Variants in ASXL3 observed in about 807,000 individuals in gnomAD.
The protein encoded by ASXL3 is putative Polycomb group protein ASXL3.
ASXL3 carries 34 observed loss-of-function variants against 170.6 expected under a neutral mutation model. That is an observed-to-expected ratio of 0.20 (90% CI 0.15 to 0.27). The LOEUF is 0.27. Among genes scored for constraint, ASXL3 ranks in the 10% least tolerant of loss-of-function variants. The probability of loss-of-function intolerance (pLI) is 1.00; values close to 1 mark genes in which losing one functional copy is unlikely to be tolerated. For missense variants in ASXL3, 2,592 were observed against 2,695.3 expected (o/e 0.96, Z 0.85); for synonymous variants, 1,002 against 989.1 (o/e 1.01, Z -0.24).
chr18:33,682,171 C>T (rs1318222958), intron 7 of ASXL3, among the ~76,000 whole-genome samples: 1 of 152,172 alleles, frequency 6.6e-6, no homozygotes, highest in Non-Finnish European at 1.5e-5. Context: ...TTCAGCTCCA[C>T]ATCGTAGTGC....
At position 33,750,377 on chromosome 18, in the gene ASXL3, C is replaced by T. The variant is rs754994631; in HGVS notation, c.*3782C>T. Reference sequence around the variant, plus strand: ...CGCTTTGTACTATATTTGATAGTTGCAGAATAATTTAGACTGTAGAAAAAC... The same window carrying T: ...CGCTTTGTACTATATTTGATAGTTGTAGAATAATTTAGACTGTAGAAAAAC... On this transcript the variant is annotated 3_prime_UTR_variant, in exon 12 of 12. Coordinates refer to ENST00000269197, the MANE Select transcript of ASXL3 (RefSeq NM_030632.3). 3 of 152,140 alleles carry T rather than the reference C, an allele frequency of 2.0e-5. No homozygotes were observed. The highest frequency in any genetic ancestry group is 2.9e-5 in the Non-Finnish European group (2 of 68,032). The allele number at this position is 152,140 out of a possible 1,614,324, so 9.4% of individuals were successfully genotyped here.
chr18:33,643,963 T>A (rs2065881410), intron 2 of ASXL3, among the ~76,000 whole-genome samples: 1 of 151,840 alleles, frequency 6.6e-6, no homozygotes, highest in South Asian at 2.1e-4. Context: ...TGTATATGGA[T>A]GTATAATTTT....
In ASXL3 at chr18:33,707,397, A is replaced by G. The variant is rs754997665; in HGVS notation, c.879+23829A>G. On this transcript the variant is annotated intron_variant, in intron 8 of 11. Coordinates refer to ENST00000269197, the MANE Select transcript of ASXL3 (RefSeq NM_030632.3). ...TTTAGGTCTTCCTTAATTTCTCTCA[A>G]TATTTCATAGTTCCCTTAGGAAAGG... Among the ~76,000 whole-genome samples, 54 of 151,890 alleles carry G rather than the reference A, an allele frequency of 3.6e-4. 1 individual carries two copies. The highest frequency in any genetic ancestry group is 6.2e-4 in the Non-Finnish European group (42 of 67,832).
At chr18:33,734,185 A>G (rs1436019762) in intron 9 of ASXL3, 125 bp from the exon 10 acceptor site, 1 of 516,400 alleles carries the variant, frequency 1.9e-6, no homozygotes, top group Non-Finnish European at 3.3e-6. Context: ...TAGAAATGTT[A>G]TCATTATTTG....
intron 8 of ASXL3, among the ~76,000 whole-genome samples, chr18:33,717,743 G>A (rs1383372865): frequency 2.6e-5 from 4 of 151,952 alleles, no homozygotes; most frequent in Non-Finnish European, 5.9e-5. Flanking sequence ...GTTTTGTTTT[G>A]GTTTGGTTTA....
intron 4 of ASXL3, among the ~76,000 whole-genome samples, chr18:33,648,117 C>G (rs1051165950): frequency 1.3e-5 from 2 of 152,096 alleles, no homozygotes; most frequent in Non-Finnish European, 2.9e-5. Flanking sequence ...ATGCTGGCTT[C>G]TGTTTTGAGT....
intron 8 of ASXL3, among the ~76,000 whole-genome samples, chr18:33,702,110 C>A (rs2066883540): frequency 6.6e-6 from 1 of 152,050 alleles, no homozygotes; most frequent in South Asian, 2.1e-4. Flanking sequence ...TGTCATTATA[C>A]CTTCCTTAAT....
intron 2 of ASXL3, among the ~76,000 whole-genome samples, chr18:33,635,354 T>C (rs78505068): frequency 0.031 from 4,795 of 152,274 alleles, 251 homozygotes; most frequent in African/African-American, 0.11. Context: ...ATCTTCAACA[T>C]GACCAGGCAA....
chr18:33,640,818 C>T (rs1015206793), intron 2 of ASXL3, among the ~76,000 whole-genome samples: 1 of 150,676 alleles, frequency 6.6e-6, no homozygotes, highest in Non-Finnish European at 1.5e-5. Context: ...AGCACAGTAA[C>T]TAATTATGGT....
intron 2 of ASXL3, among the ~76,000 whole-genome samples, chr18:33,640,375 T>C (rs982734802): frequency 1.3e-5 from 2 of 151,910 alleles, no homozygotes; most frequent in African/African-American, 4.8e-5. Context: ...CTCCCAAGAG[T>C]AATAAGTTCA....
chr18:33,685,758 G>C (rs905515352), intron 8 of ASXL3, among the ~76,000 whole-genome samples: 1 of 152,094 alleles, frequency 6.6e-6, no homozygotes, highest in Non-Finnish European at 1.5e-5. Context: ...GGCAGGGGAG[G>C]GAGCAAGAGA....
At chr18:33,664,002 T>C (rs1330758832) in intron 5 of ASXL3, among the ~76,000 whole-genome samples, 1 of 152,154 alleles carries the variant, frequency 6.6e-6, no homozygotes, top group Non-Finnish European at 1.5e-5. Context: ...TATGTATACA[T>C]GCACAATCAT....
chr18:33,594,704 G>A (rs1393977878), intron 1 of ASXL3, among the ~76,000 whole-genome samples: 1 of 152,114 alleles, frequency 6.6e-6, no homozygotes, highest in African/African-American at 2.4e-5. Context: ...CAAGAAGCAT[G>A]TAGAAATATT....
chr18:33,632,756 A>C (rs891207718), intron 2 of ASXL3, among the ~76,000 whole-genome samples: 2 of 152,170 alleles, frequency 1.3e-5, no homozygotes, highest in African/African-American at 4.8e-5. Flanking sequence ...TCTTCCCTGC[A>C]GGCCAGTCCC....
intron 2 of ASXL3, among the ~76,000 whole-genome samples, chr18:33,625,320 G>A (rs147453249): frequency 6.6e-5 from 10 of 152,190 alleles, no homozygotes; most frequent in African/African-American, 2.4e-4. Flanking sequence ...GACATCTTTA[G>A]CCAATATTTG....
chr18:33,735,054 A>G (rs1165899434), intron 10 of ASXL3, among the ~76,000 whole-genome samples: 2 of 152,198 alleles, frequency 1.3e-5, no homozygotes, highest in African/African-American at 4.8e-5. Context: ...GTCTTAGACA[A>G]TCAGATCCCT....
In ASXL3 at chr18:33,746,464, G is replaced by A. The variant is rs868127829; in HGVS notation, c.6616G>A (p.Ala2206Thr). 1 of 1,614,068 alleles carries A rather than the reference G, an allele frequency of 6.2e-7. No homozygotes were observed. Among genetic ancestry groups the A allele is most frequent in the African/African-American group, 1.3e-5 (1 of 75,076 alleles). ...PVQNFADSSN[A>T]DELELKCSCR... ...TCAGAACTTTGCCGACAGCAGCAAT[G>A]CAGATGAATTGGAACTGAAATGCTC... Residue 2206 changes from alanine to threonine, a missense_variant, in exon 12 of 12, where the codon GCA (alanine) becomes ACA (threonine). Around this residue, in one of 4 missense-constraint regions of ASXL3, gnomAD observed 2,246 missense variants for 2,219.6 expected, o/e 1.01. Coordinates refer to ENST00000269197, the MANE Select transcript of ASXL3 (RefSeq NM_030632.3).
chr18:33,738,594 A>T lies in ASXL3; in HGVS notation c.1190A>T (p.Gln397Leu). The change falls in exon 11 of 12, where the codon CAG (glutamine) becomes CTG (leucine). Residue 397 changes from glutamine to leucine, a missense_variant. Coordinates refer to ENST00000269197, the MANE Select transcript of ASXL3 (RefSeq NM_030632.3). ...ACTTCTGGCCTTCCAGTTTCTGCAC[A>T]GACAGCCTTGGCAGAACAACAGCCA... ...CGTSGLPVSAQTALAEQQPKS... is the reference protein window; with the variant it reads ...CGTSGLPVSALTALAEQQPKS... 1 of 1,613,934 alleles carries T rather than the reference A, an allele frequency of 6.2e-7. No homozygotes were observed. Among genetic ancestry groups the T allele is most frequent in the Non-Finnish European group, 8.5e-7 (1 of 1,179,854 alleles).
intron 2 of ASXL3, among the ~76,000 whole-genome samples, chr18:33,631,854 A>C (rs1238663879): frequency 6.6e-6 from 1 of 152,160 alleles, no homozygotes; most frequent in Non-Finnish European, 1.5e-5. Context: ...AGTTTACAGA[A>C]TATTTTAAAC....
Sources: gnomAD v4.1 joint callset for allele counts (sites outside exome capture counted in the v4.1 genomes callset) on GRCh38, gnomAD v4.1.1 for gene constraint, gnomAD v4.1.1 regional missense constraint, MANE v1.5 for transcripts, NCBI Gene and HGNC (gene_info 2026-07-23, HGNC 2026-07-21) for gene names.